The following KHDRBS3 variants were observed in gnomAD, a reference collection of about 807,000 sequenced individuals.
KHDRBS3 encodes the protein KH domain-containing, RNA-binding, signal transduction-associated protein 3.
KHDRBS3 carries 23 observed loss-of-function variants against 45.6 expected under a neutral mutation model. That is an observed-to-expected ratio of 0.50 (90% CI 0.36 to 0.72). The LOEUF is 0.72. Among genes scored for constraint, KHDRBS3 ranks in the 30% least tolerant of loss-of-function variants. The pLI is 0.00. For synonymous variants in KHDRBS3, 162 were observed against 156.5 expected, an observed-to-expected ratio of 1.04 and a Z score of -0.26; for missense variants, 352 against 424.8, an observed-to-expected ratio of 0.83 and a Z score of 1.51.
intron 1 of KHDRBS3, among the ~76,000 whole-genome samples, chr8:135,508,015 G>C (rs1296282958): frequency 6.6e-6 from 1 of 152,150 alleles, no homozygotes; most frequent in Non-Finnish European, 1.5e-5. Flanking sequence ...TTATATAAAA[G>C]TGACCCCCTT....
intron 6 of KHDRBS3, among the ~76,000 whole-genome samples, chr8:135,605,304 T>A (rs949606643): frequency 2.0e-5 from 3 of 152,138 alleles, no homozygotes; most frequent in Non-Finnish European, 4.4e-5. Flanking sequence ...CCCATAGGTC[T>A]CTGATACTCT....
intron 1 of KHDRBS3, among the ~76,000 whole-genome samples, chr8:135,461,607 T>A (rs1002893741): frequency 2.0e-5 from 3 of 152,252 alleles, no homozygotes; most frequent in African/African-American, 7.2e-5. Flanking sequence ...GGGGATGTGC[T>A]GACTCTTACT....
At chr8:135,644,970 T>C (rs1831220695) in intron 7 of KHDRBS3, 89 bp from the exon 8 acceptor site, 2 of 1,361,638 alleles carry the variant, frequency 1.5e-6, no homozygotes, top group South Asian at 2.4e-5. Flanking sequence ...CTTCATTAGT[T>C]GTCTTTAAGT....
intron 3 of KHDRBS3, among the ~76,000 whole-genome samples, chr8:135,544,818 T>C (rs370793870): frequency 3.3e-5 from 5 of 152,260 alleles, no homozygotes; most frequent in African/African-American, 1.2e-4. Flanking sequence ...ATTGTGTATA[T>C]TTCATCAAGG....
At chr8:135,458,986 G>A (rs1821280610) in intron 1 of KHDRBS3, 1 of 456,152 alleles carries the variant, frequency 2.2e-6, no homozygotes, top group East Asian at 6.9e-5. Context: ...GATGGGTGTG[G>A]GTGCCACTGG....
At chr8:135,534,217 G>T (rs1383568856) in intron 2 of KHDRBS3, among the ~76,000 whole-genome samples, 2 of 149,940 alleles carry the variant, frequency 1.3e-5, no homozygotes, top group South Asian at 4.2e-4. Flanking sequence ...CTTCTCAGGT[G>T]TTTTTTTTTT....
At chr8:135,632,803 C>G (rs1830659239) in intron 7 of KHDRBS3, among the ~76,000 whole-genome samples, 1 of 152,170 alleles carries the variant, frequency 6.6e-6, no homozygotes, top group Admixed American at 6.5e-5. Context: ...GTGGCCCTCT[C>G]CCTTGTCCTC....
At chr8:135,550,852 G>A (rs1277346122) in intron 4 of KHDRBS3, among the ~76,000 whole-genome samples, 3 of 152,098 alleles carry the variant, frequency 2.0e-5, no homozygotes, top group South Asian at 4.2e-4. Flanking sequence ...TTCCAATCCA[G>A]GAACATGAAA....
chr8:135,617,121 G>A (rs914178411), intron 7 of KHDRBS3, among the ~76,000 whole-genome samples: 5 of 152,012 alleles, frequency 3.3e-5, no homozygotes, highest in African/African-American at 9.7e-5. Context: ...TTACAACATT[G>A]TAATTAAGTG....
chr8:135,554,951 T>G (rs28619270), intron 4 of KHDRBS3, among the ~76,000 whole-genome samples: 3,334 of 152,332 alleles, frequency 0.022, 49 homozygotes, highest in Middle Eastern at 0.044. Flanking sequence ...CCCTGCAAAC[T>G]ATGATCCTTT....
At chr8:135,598,952 CTT>C (rs1449845358) in intron 6 of KHDRBS3, among the ~76,000 whole-genome samples, 1 of 152,186 alleles carries the variant, frequency 6.6e-6, no homozygotes, top group African/African-American at 2.4e-5. Flanking sequence ...AAAAATCACT[CTT>C]TTGTAAATTC....
At chr8:135,465,286 G>C (rs188690104) in intron 1 of KHDRBS3, among the ~76,000 whole-genome samples, 1 of 152,080 alleles carries the variant, frequency 6.6e-6, no homozygotes, top group African/African-American at 2.4e-5. Flanking sequence ...TGTTTTAGAC[G>C]TAAGTACAGT....
intron 1 of KHDRBS3, among the ~76,000 whole-genome samples, chr8:135,459,163 CAT>C (rs935808233): frequency 1.3e-5 from 2 of 152,204 alleles, no homozygotes; most frequent in Non-Finnish European, 2.9e-5. Flanking sequence ...ATGAGGCAGA[CAT>C]ATTCTATTTG....
At chr8:135,515,701 C>T (rs1019414534) in intron 1 of KHDRBS3, among the ~76,000 whole-genome samples, 1 of 152,186 alleles carries the variant, frequency 6.6e-6, no homozygotes, top group Non-Finnish European at 1.5e-5. Context: ...AACTGCTTTC[C>T]TGTGTGCAGT....
In KHDRBS3 at chr8:135,611,682, A is replaced by G. The variant is rs1414928391; in HGVS notation, c.890+4645A>G. On this transcript the variant is annotated intron_variant, in intron 7 of 8. Transcript: ENST00000355849. ...TGAAGGACACCAGTCAGATTGGATT[A>G]GAACCCACTCTAAAGGCCTCATTTC... 5.9e-5 allele frequency among the ~76,000 whole-genome samples: 9 copies of G among 151,894 alleles called. No homozygotes were observed. The East Asian group carries it at 1.2e-3, about 19-fold the overall frequency.
At chr8:135,569,016 A>C (rs1827564916) in intron 5 of KHDRBS3, among the ~76,000 whole-genome samples, 1 of 152,142 alleles carries the variant, frequency 6.6e-6, no homozygotes, top group African/African-American at 2.4e-5. Context: ...CGTTTGTTTA[A>C]ACAATGGTGT....
chr8:135,555,554 T>G (rs1247732646), intron 4 of KHDRBS3, among the ~76,000 whole-genome samples: 1 of 152,136 alleles, frequency 6.6e-6, no homozygotes, highest in Non-Finnish European at 1.5e-5. Context: ...TTCTAATTTC[T>G]GTGTATAACA....
intron 7 of KHDRBS3, among the ~76,000 whole-genome samples, chr8:135,621,230 C>G (rs1017722588): frequency 6.6e-6 from 1 of 152,098 alleles, no homozygotes; most frequent in Non-Finnish European, 1.5e-5. Flanking sequence ...TTAAACTCTA[C>G]AGATAATTCT....
At chr8:135,616,368 A>G (rs1829916208) in intron 7 of KHDRBS3, among the ~76,000 whole-genome samples, 1 of 152,216 alleles carries the variant, frequency 6.6e-6, no homozygotes, top group Admixed American at 6.5e-5. Context: ...GAAGACCACC[A>G]CATGGGATCT....
Sources: gnomAD v4.1 joint callset for allele counts (sites outside exome capture counted in the v4.1 genomes callset) on GRCh38, gnomAD v4.1.1 for gene constraint, MANE v1.5 for transcripts, NCBI Gene and HGNC (gene_info 2026-07-23, HGNC 2026-07-21) for gene names.